FBXO34: variants seen among roughly 807,000 people sequenced by gnomAD.
FBXO34 encodes F-box only protein 34.
In FBXO34, 12 loss-of-function variants were observed where a neutral mutation model predicts 24.5. The ratio of observed to expected loss-of-function variants is 0.49; its 90% confidence interval spans 0.31 to 0.79. The LOEUF is 0.79. Among genes scored for constraint, FBXO34 ranks in the 30% least tolerant of loss-of-function variants. The probability of loss-of-function intolerance (pLI) is 0.04; values close to 1 mark genes in which losing one functional copy is unlikely to be tolerated. For synonymous variants in FBXO34, 320 were observed against 311.9 expected (o/e 1.03, Z -0.27); for missense variants, 823 against 857.7 (o/e 0.96, Z 0.51).
chr14:55,437,120 T>C, the FBXO34 span: 3 of 1,014,532 alleles, frequency 3.0e-6, no homozygotes, highest in South Asian at 1.4e-5. Flanking sequence ...ATGTATTCAG[T>C]GTAAGAGGCA....
chr14:55,352,055 G>A lies in FBXO34; in HGVS notation c.1665G>A (p.Ser555=), dbSNP rs138660405. 2.2e-5 allele frequency: 36 copies of A among 1,614,024 alleles called. No homozygotes were observed. The highest frequency in any genetic ancestry group is 2.0e-4 in the African/African-American group (15 of 74,908). The stretch of plus-strand genomic sequence containing the variant: ...CATCCAGTTGGAAGAAGCAGGTGTC[G>A]CATGACTTCCTGGAGACCAGGTTTA... ...LEASSWKKQV[S]HDFLETRFKI... Residue 555 remains serine (S), a synonymous_variant, in exon 2 of 2, where the codon TCG becomes TCA. Transcript: ENST00000313833.
At chr14:55,396,965 A>G in the FBXO34 span, among the ~76,000 whole-genome samples, 1 of 152,214 alleles carries the variant, frequency 6.6e-6, no homozygotes, top group African/African-American at 2.4e-5. Flanking sequence ...CAGCTAATGA[A>G]TTCTGATACA....
chr14:55,436,617 A>C, the FBXO34 span: 3 of 1,614,196 alleles, frequency 1.9e-6, no homozygotes, highest in African/African-American at 4.0e-5. Flanking sequence ...GTGTCATGGG[A>C]GTTATGGATG....
chr14:55,307,623 C>T (rs1882597601), intron 1 of FBXO34, among the ~76,000 whole-genome samples: 1 of 152,180 alleles, frequency 6.6e-6, no homozygotes, highest in Admixed American at 6.5e-5. Flanking sequence ...GTTTAAGTTG[C>T]TGAGAGATAA....
At chr14:55,397,158 T>C in the FBXO34 span, among the ~76,000 whole-genome samples, 1 of 152,210 alleles carries the variant, frequency 6.6e-6, no homozygotes, top group Non-Finnish European at 1.5e-5. Context: ...ATCTACTGTA[T>C]ACCACACACC....
rs146658673 is a variant in FBXO34, at chr14:55,303,954, G to A, written c.-11+32417G>A. 2.0e-3 allele frequency among the ~76,000 whole-genome samples: 304 copies of A among 152,290 alleles called. 1 individual carries two copies. Among genetic ancestry groups the A allele is most frequent in the Non-Finnish European group, 3.0e-3 (207 of 68,012 alleles). ...GGGACTGATGTAAAGAATGTTTCAC[G>A]ACTTACTGGGAAGCCCTCTGTTTTG... On this transcript the variant is annotated intron_variant, in intron 1 of 1. Transcript: ENST00000313833.
chr14:55,427,880 CTTTTTTTT>C, the FBXO34 span, among the ~76,000 whole-genome samples: 1 of 130,896 alleles, frequency 7.6e-6, no homozygotes, highest in East Asian at 2.2e-4. Flanking sequence ...GTTAGGATTG[CTTTTTTTT>C]TTTTTTTTTT....
Position 55,327,908 on chromosome 14 carries a change from G to GTTTTTTTTTTTTTTTTTTTT in FBXO34, c.-10-22457_-10-22438dup, listed in dbSNP as rs386381425. 2.9e-4 allele frequency among the ~76,000 whole-genome samples: 14 copies of GTTTTTTTTTTTTTTTTTTTT among 48,704 alleles called. 1 individual carries two copies. Among genetic ancestry groups the GTTTTTTTTTTTTTTTTTTTT allele is most frequent in the Admixed American group, 7.0e-4 (2 of 2,868 alleles). 32.0% of individuals were successfully genotyped at this position (48,704 alleles called of 152,430 possible). ...CATATGATTTTCTTTGTTGTTGTTG[G>GTTTTTTTTTTTTTTTTTTTT]TTTTTTTTTTTTTTTTTTTTTTTTT... On this transcript the variant is annotated intron_variant, in intron 1 of 1. Transcript: ENST00000313833.
At chr14:55,294,735 A>C (rs1246852519) in intron 1 of FBXO34, among the ~76,000 whole-genome samples, 2 of 152,196 alleles carry the variant, frequency 1.3e-5, no homozygotes, top group Non-Finnish European at 2.9e-5. Context: ...CAGCTGTGCT[A>C]AGTTTAAGAA....
At chr14:55,431,413 C>T in the FBXO34 span, among the ~76,000 whole-genome samples, 1 of 152,194 alleles carries the variant, frequency 6.6e-6, no homozygotes, top group Non-Finnish European at 1.5e-5. Context: ...GCTTACTTCT[C>T]CCTCTGCAAT....
At chr14:55,394,342 T>C in the FBXO34 span, among the ~76,000 whole-genome samples, 6 of 152,164 alleles carry the variant, frequency 3.9e-5, no homozygotes, top group African/African-American at 7.2e-5. Flanking sequence ...ACTGGTTGTG[T>C]TGAAGATCAG....
chr14:55,304,107 G>A (rs1479667841), intron 1 of FBXO34, among the ~76,000 whole-genome samples: 2 of 152,168 alleles, frequency 1.3e-5, no homozygotes, highest in Admixed American at 1.3e-4. Context: ...TTTAGTATGA[G>A]TTAGCATATA....
At chr14:55,273,306 TA>T (rs1881221804) in intron 1 of FBXO34, among the ~76,000 whole-genome samples, 2 of 152,060 alleles carry the variant, frequency 1.3e-5, no homozygotes, top group African/African-American at 4.8e-5. Context: ...AGGCAGGAAA[TA>T]AAAGCAAAAA....
At chr14:55,423,737 G>A in the FBXO34 span, among the ~76,000 whole-genome samples, 1 of 152,090 alleles carries the variant, frequency 6.6e-6, no homozygotes, top group East Asian at 1.9e-4. Context: ...TTCACACTAC[G>A]ATGGCAGTGC....
downstream of FBXO34, among the ~76,000 whole-genome samples, chr14:55,353,917 A>G (rs553191597): frequency 1.5e-4 from 23 of 152,302 alleles, no homozygotes; most frequent in Admixed American, 1.2e-3. Context: ...TCAAGCCTGT[A>G]GCTGCTTAGT....
chr14:55,420,735 A>ACTT, the FBXO34 span, among the ~76,000 whole-genome samples: 43,538 of 151,832 alleles, frequency 0.29, 8,226 homozygotes, highest in African/African-American at 0.55. Flanking sequence ...GTGATTTGAA[A>ACTT]CTGGCAAATG....
intron 1 of FBXO34, among the ~76,000 whole-genome samples, chr14:55,314,662 TTTG>T (rs1281502128): frequency 2.0e-5 from 3 of 152,192 alleles, no homozygotes; most frequent in Non-Finnish European, 4.4e-5. Flanking sequence ...GCAATAAATT[TTTG>T]TTGTAGAAAA....
At chr14:55,301,274 C>G (rs919350729) in intron 1 of FBXO34, among the ~76,000 whole-genome samples, 5 of 151,956 alleles carry the variant, frequency 3.3e-5, no homozygotes, top group African/African-American at 1.2e-4. Flanking sequence ...TCCATCTCAA[C>G]AGAAATTCAA....
At position 55,323,206 on chromosome 14, in the gene FBXO34, A is replaced by AT. The variant is rs1883211955; in HGVS notation, c.-10-27175_-10-27174insT. ...TCTCAAAAAAAAAAAAAAAAAAAAA[A>AT]AAAAAAAAAAAAATATATATTTTTT... On this transcript the variant is annotated intron_variant, in intron 1 of 1. Transcript: ENST00000313833. 7.5e-5 allele frequency among the ~76,000 whole-genome samples: 3 copies of AT among 40,078 alleles called. No homozygotes were observed. In the African/African-American group the frequency reaches 9.2e-4, roughly 12 times the overall value. The allele number at this position is 40,078 out of a possible 152,430, so 26.3% of individuals were successfully genotyped here. A position where few individuals can be genotyped will look rare whatever the true frequency, so the allele number is the denominator to read the frequency against.
Sources: gnomAD v4.1 joint callset for allele counts (sites outside exome capture counted in the v4.1 genomes callset) on GRCh38, gnomAD v4.1.1 for gene constraint, MANE v1.5 for transcripts, NCBI Gene and HGNC (gene_info 2026-07-23, HGNC 2026-07-21) for gene names.